The following HSPBP1 variants were observed in gnomAD, a reference collection of about 807,000 sequenced individuals.
HSPBP1 encodes hsp70-binding protein 1.
A neutral mutation model predicts 41.7 loss-of-function variants in HSPBP1; 31 were observed. That is an observed-to-expected ratio of 0.74 (90% CI 0.56 to 1.00). HSPBP1 has a LOEUF of 1.00. HSPBP1 is among the 50% of genes least tolerant of loss of function. The probability of loss-of-function intolerance (pLI) is 0.00; values close to 1 mark genes in which losing one functional copy is unlikely to be tolerated. For synonymous variants in HSPBP1, 199 were observed against 214.4 expected (o/e 0.93, Z 0.63); for missense variants, 439 against 487.9 (o/e 0.90, Z 0.94).
At chr19:55,273,931 AAG>A (rs1555888513) in intron 4 of HSPBP1, among the ~76,000 whole-genome samples, 5 of 133,682 alleles carry the variant, frequency 3.7e-5, no homozygotes, top group Admixed American at 7.4e-5. Context: ...TGAAAAAAAA[AAG>A]AAGAAGAAGA....
At chr19:55,266,065 C>T in intron 5 of HSPBP1, 66 bp downstream of exon 5, 1 of 1,566,984 alleles carries the variant, frequency 6.4e-7, no homozygotes, top group Non-Finnish European at 8.7e-7. Context: ...CTCCCCTTCT[C>T]CCACACCTGC....
At chr19:55,279,767 C>T in intron 1 of HSPBP1, 65 bp from the exon 2 acceptor site, 1 of 1,516,006 alleles carries the variant, frequency 6.6e-7, no homozygotes, top group Middle Eastern at 1.7e-4. Flanking sequence ...CACTCTGCCC[C>T]CAGCCCACTT....
chr19:55,279,804 T>C, intron 1 of HSPBP1, 102 bp from the exon 2 acceptor site: 2 of 1,318,336 alleles, frequency 1.5e-6, no homozygotes, highest in East Asian at 2.5e-5. Context: ...CCTTCCTTCA[T>C]ACCCACAGGA....
chr19:55,278,993 T>G (rs1295890711), intron 2 of HSPBP1, among the ~76,000 whole-genome samples: 1 of 149,730 alleles, frequency 6.7e-6, no homozygotes, highest in Non-Finnish European at 1.5e-5. Context: ...ACTGCTGCCT[T>G]CAGAAGCACT....
At position 55,279,651 on chromosome 19, in the gene HSPBP1, G is replaced by C; in HGVS notation, c.-43C>G. 6.4e-7 allele frequency: 1 copy of C among 1,551,074 alleles called. No individual in the cohort carries two copies. Among genetic ancestry groups the C allele is most frequent in the Non-Finnish European group, 8.7e-7 (1 of 1,148,674 alleles). ...GGGAAGAATGTGTTAGAGGGAGAAG[G>C]TGGTCACCGCTGAAGCAGCTCTGGC... is the stretch of plus-strand genomic sequence containing the variant. On this transcript the variant is annotated 5_prime_UTR_variant, in exon 2 of 8. Coordinates refer to ENST00000433386, the MANE Select transcript of HSPBP1 (RefSeq NM_012267.5).
Position 55,277,692 on chromosome 19 carries a change from C to G in HSPBP1, c.365G>C (p.Gly122Ala). The change falls in exon 3 of 8, where the codon GGG becomes GCG. Residue 122 changes from glycine to alanine, a missense_variant. By Grantham distance (60) the Gly-to-Ala change is moderately conservative. Transcript: ENST00000433386. ...CAGGTCGGCCAGCAGCTCCAGGGCC[C>G]CCTCTCGCTCTTGCTGGTCGGCCGC... ...EQAADQQERE[G>A]ALELLADLCE... 1 of 1,605,636 alleles carries G rather than the reference C, an allele frequency of 6.2e-7. No individual in the cohort carries two copies. Among genetic ancestry groups the G allele is most frequent in the Non-Finnish European group, 8.5e-7 (1 of 1,177,044 alleles).
At chr19:55,266,020 A>G (rs760575522) in intron 5 of HSPBP1, 38 bp from the exon 6 acceptor site, 3 of 1,569,138 alleles carry the variant, frequency 1.9e-6, no homozygotes, top group Non-Finnish European at 2.6e-6. Flanking sequence ...GGGCAGCCCC[A>G]CCCATCTCCT....
At position 55,279,544 on chromosome 19, in the gene HSPBP1, C is replaced by T; in HGVS notation, c.65G>A (p.Cys22Tyr). 6.2e-7 allele frequency: 1 copy of T among 1,610,948 alleles called. No individual in the cohort carries two copies. The highest frequency in any genetic ancestry group is 8.5e-7 in the Non-Finnish European group (1 of 1,178,978). Residue 22 changes from cysteine to tyrosine, a missense_variant, in exon 2 of 8, where the codon TGC (cysteine) becomes TAC (tyrosine). By Grantham distance (194) the Cys-to-Tyr change is radical. Coordinates refer to ENST00000433386, the MANE Select transcript of HSPBP1 (RefSeq NM_012267.5). ...PLALPPASQGCSSGGGGGGSS... is the reference protein window; with the variant it reads ...PLALPPASQGYSSGGGGGGSS... ...GCCGCCGCCGCCGCCCCCTGAAGAG[C>T]AACCCTGGGAGGCCGGGGGCAGCGC...
In HSPBP1 at chr19:55,272,859, AAAG is replaced by A. The variant is rs2087961644; in HGVS notation, c.640+1536_640+1538del. Among the ~76,000 whole-genome samples the A allele has an allele frequency of 6.6e-6, 1 of 152,112 alleles. No homozygotes were observed. The highest frequency in any genetic ancestry group is 2.4e-5 in the African/African-American group (1 of 41,432). ...GTCTCAAAAAAAAAAAAAAGAAAGA[AAAG>A]AAGAAAATGTTCCAAAATTAGATAG... is the stretch of plus-strand genomic sequence containing the variant. On this transcript the variant is annotated intron_variant, in intron 4 of 7. Transcript: ENST00000433386. This position sits in a 1 kb window ranked among gnomAD's most constrained non-coding sequence, Gnocchi z 4.2.
Position 55,279,557 on chromosome 19 carries a change from C to G in HSPBP1, c.52G>C (p.Ala18Pro). ...GSRLPLALPP[A>P]SQGCSSGGGG... ...CCCCCTGAAGAGCAACCCTGGGAGG[C>G]CGGGGGCAGCGCCAGGGGCAGGCGG... Residue 18 changes from alanine to proline, a missense_variant, in exon 2 of 8, where the codon GCC becomes CCC. Ala to Pro is a conservative substitution (Grantham distance 27). Transcript: ENST00000433386. 1 of 1,608,666 alleles carries G rather than the reference C, an allele frequency of 6.2e-7. No individual in the cohort carries two copies. Among genetic ancestry groups the G allele is most frequent in the South Asian group, 1.1e-5 (1 of 90,894 alleles).
At chr19:55,269,187 T>C (rs924036218) in intron 4 of HSPBP1, among the ~76,000 whole-genome samples, 1 of 152,126 alleles carries the variant, frequency 6.6e-6, no homozygotes, top group African/African-American at 2.4e-5. Flanking sequence ...TCCTGTGCAT[T>C]GCAGGATGTT....
chr19:55,265,544 C>T (rs1159467614), intron 6 of HSPBP1, among the ~76,000 whole-genome samples, 155 bp from the exon 7 acceptor site: 3 of 152,058 alleles, frequency 2.0e-5, no homozygotes, highest in Non-Finnish European at 4.4e-5. Flanking sequence ...ATGGACCTCA[C>T]GCTGCCCCTG....
At chr19:55,265,462 C>T in intron 6 of HSPBP1, 73 bp from the exon 7 acceptor site, 2 of 1,158,022 alleles carry the variant, frequency 1.7e-6, no homozygotes, top group Admixed American at 1.7e-5. Flanking sequence ...ATCGCCCGCC[C>T]CGTCCCCTGG....
In HSPBP1 at chr19:55,270,197, G is replaced by A. The variant is rs1008726469; in HGVS notation, c.641-3911C>T. ...GAGCAAAAAAAAGAATGGCATCCAA[G>A]CTCCCAGAGCTCTTGCCCTGCATCG... On this transcript the variant is annotated intron_variant, in intron 4 of 7. Transcript: ENST00000433386. The surrounding 1 kb of genome is among the most constrained non-coding windows in gnomAD (Gnocchi z 5.4). Among the ~76,000 whole-genome samples the A allele has an allele frequency of 1.3e-5, 2 of 152,192 alleles. No individual in the cohort carries two copies. The highest frequency in any genetic ancestry group is 4.8e-5 in the African/African-American group (2 of 41,454).
chr19:55,275,287 G>A (rs1054912483), intron 3 of HSPBP1, among the ~76,000 whole-genome samples: 3 of 152,156 alleles, frequency 2.0e-5, no homozygotes, highest in Non-Finnish European at 4.4e-5. Flanking sequence ...ATTGGAGAGC[G>A]TGGCAGTTCC....
chr19:55,265,161 CTGG>C, intron 7 of HSPBP1, 114 bp downstream of exon 7: 6 of 624,878 alleles, frequency 9.6e-6, no homozygotes, highest in South Asian at 4.2e-5. Context: ...TCCCCTCCCC[CTGG>C]CACCTGATCC....
intron 4 of HSPBP1, among the ~76,000 whole-genome samples, chr19:55,273,772 A>G (rs909262400): frequency 2.0e-5 from 3 of 152,134 alleles, no homozygotes. Flanking sequence ...TTCACAGGCC[A>G]TTAGGATAAA....
chr19:55,265,433 G>A (rs1250579661), intron 6 of HSPBP1, 44 bp from the exon 7 acceptor site: 6 of 1,499,304 alleles, frequency 4.0e-6, no homozygotes, highest in Non-Finnish European at 5.6e-6. Flanking sequence ...CCCTCTAGAG[G>A]CCTCACTGAC....
chr19:55,274,284 G>A, intron 4 of HSPBP1, 114 bp downstream of exon 4: 1 of 1,022,798 alleles, frequency 9.8e-7, no homozygotes, highest in South Asian at 1.5e-5. Context: ...ACAAGCATGG[G>A]AACAAACGAG....
Sources: gnomAD v4.1 joint callset for allele counts (sites outside exome capture counted in the v4.1 genomes callset) on GRCh38, gnomAD v4.1.1 for gene constraint, Gnocchi (gnomAD v3.1) non-coding constraint, MANE v1.5 for transcripts, NCBI Gene and HGNC (gene_info 2026-07-23, HGNC 2026-07-21) for gene names.